MEI4: variants seen among roughly 807,000 people sequenced by gnomAD.
The protein encoded by MEI4 is meiotic double-stranded break formation protein 4.
In MEI4, 27 loss-of-function variants were observed where a neutral mutation model predicts 31.4. That is an observed-to-expected ratio of 0.86 (90% CI 0.63 to 1.19). The LOEUF is 1.19. MEI4 is among the 50% of genes most tolerant of loss of function. The probability of loss-of-function intolerance (pLI) is 0.00; values close to 1 mark genes in which losing one functional copy is unlikely to be tolerated. For synonymous variants in MEI4, 122 were observed against 145.4 expected, an observed-to-expected ratio of 0.84 and a Z score of 1.16; for missense variants, 329 against 398.9, an observed-to-expected ratio of 0.82 and a Z score of 1.49.
chr6:77,830,287 A>G (rs1770046444), intron 4 of MEI4, among the ~76,000 whole-genome samples: 1 of 152,086 alleles, frequency 6.6e-6, no homozygotes, highest in African/African-American at 2.4e-5. Flanking sequence ...TTAGAGTTTA[A>G]CAATAGGAAG....
chr6:77,706,040 G>T (rs1476710111), intron 2 of MEI4, among the ~76,000 whole-genome samples: 2 of 152,108 alleles, frequency 1.3e-5, no homozygotes, highest in African/African-American at 4.8e-5. Flanking sequence ...CAGAAGCAAA[G>T]TCCCTTTCTG....
At chr6:77,716,666 G>GT (rs1401702107) in intron 2 of MEI4, 1 of 156,054 alleles carries the variant, frequency 6.4e-6, no homozygotes, top group African/African-American at 2.4e-5. Context: ...TTGGCAAAAG[G>GT]TAAGTAGAAA....
chr6:77,924,884 A>G lies in MEI4; in HGVS notation c.*1538A>G, dbSNP rs2127744589. 1 of 151,924 alleles carries G rather than the reference A, an allele frequency of 6.6e-6. No homozygotes were observed. Among genetic ancestry groups the G allele is most frequent in the East Asian group, 1.9e-4 (1 of 5,168 alleles). The allele number at this position is 151,924 out of a possible 1,614,324, so 9.4% of individuals were successfully genotyped here. On this transcript the variant is annotated 3_prime_UTR_variant, in exon 5 of 5. Coordinates refer to ENST00000684080, the MANE Select transcript of MEI4 (RefSeq NM_001322247.2). ...GTTACAGGGCAATGAGCATGGATGT[A>G]GGTAGGTAATTATTAGGGCCAATAA...
intron 2 of MEI4, among the ~76,000 whole-genome samples, chr6:77,731,547 G>A (rs1232640321): frequency 6.6e-6 from 1 of 151,584 alleles, no homozygotes; most frequent in African/African-American, 2.4e-5. Context: ...CAGATGAGTA[G>A]GTTGTGAAAA....
intron 4 of MEI4, among the ~76,000 whole-genome samples, chr6:77,875,013 T>C (rs1215866067): frequency 6.6e-6 from 1 of 152,196 alleles, no homozygotes; most frequent in Non-Finnish European, 1.5e-5. Flanking sequence ...GAAGGAACCC[T>C]TAGCTTTTTT....
At chr6:77,806,041 G>A (rs1769427563) in intron 3 of MEI4, among the ~76,000 whole-genome samples, 1 of 152,084 alleles carries the variant, frequency 6.6e-6, no homozygotes, top group African/African-American at 2.4e-5. Flanking sequence ...CGTCTGGCTT[G>A]TTTCATATTG....
intron 3 of MEI4, among the ~76,000 whole-genome samples, chr6:77,802,272 A>G (rs1429204447): frequency 1.3e-5 from 2 of 152,238 alleles, no homozygotes; most frequent in South Asian, 2.1e-4. Flanking sequence ...AGTCTGTTTT[A>G]TCAGAGACTA....
intron 4 of MEI4, among the ~76,000 whole-genome samples, chr6:77,897,508 T>A (rs974340445): frequency 1.5e-4 from 7 of 46,602 alleles, no homozygotes; most frequent in African/African-American, 4.0e-4. Context: ...GACAATTTTT[T>A]AAAATTGTTA....
At chr6:77,764,534 A>C (rs1020707313) in intron 3 of MEI4, among the ~76,000 whole-genome samples, 1 of 152,174 alleles carries the variant, frequency 6.6e-6, no homozygotes, top group African/African-American at 2.4e-5. Context: ...CTCAATTACA[A>C]TAATGGATGG....
intron 4 of MEI4, among the ~76,000 whole-genome samples, chr6:77,841,333 A>ATATATATATATATATTTTTTTTTTT: frequency 1.4e-4 from 4 of 27,734 alleles, no homozygotes; most frequent in African/African-American, 1.3e-3. Context: ...ATATATATAT[A>ATATATATATATATATTTTTTTTTTT]TTTTTTTTTT....
intron 3 of MEI4, among the ~76,000 whole-genome samples, chr6:77,812,959 C>T (rs1364761708): frequency 6.6e-6 from 1 of 151,832 alleles, no homozygotes; most frequent in Non-Finnish European, 1.5e-5. Context: ...GTGAGTCTTG[C>T]CAAGCAGGGA....
chr6:77,730,736 C>T (rs1027133499), intron 2 of MEI4, among the ~76,000 whole-genome samples: 2 of 151,796 alleles, frequency 1.3e-5, no homozygotes, highest in Non-Finnish European at 2.9e-5. Context: ...ACTAACTCGT[C>T]ATCTAGCATT....
chr6:77,826,031 A>G (rs549832781), intron 3 of MEI4, among the ~76,000 whole-genome samples: 53 of 152,272 alleles, frequency 3.5e-4, no homozygotes, highest in African/African-American at 5.3e-4. Context: ...CAGTACCTCA[A>G]CCTTATAAGA....
chr6:77,710,531 A>AG (rs1766437651), intron 2 of MEI4, among the ~76,000 whole-genome samples: 1 of 148,338 alleles, frequency 6.7e-6, no homozygotes, highest in Non-Finnish European at 1.5e-5. Context: ...AAAAAAAAAA[A>AG]AAAAAAAAAA....
intron 3 of MEI4, among the ~76,000 whole-genome samples, chr6:77,791,102 A>T (rs1768915023): frequency 6.6e-6 from 1 of 152,098 alleles, no homozygotes; most frequent in Non-Finnish European, 1.5e-5. Flanking sequence ...AACTAGTTCA[A>T]CCATTGTGGA....
Position 77,685,562 on chromosome 6 carries a change from A to G in MEI4, c.-14-5096A>G, listed in dbSNP as rs181490106. Among the ~76,000 whole-genome samples, 68 of 152,100 alleles carry G rather than the reference A, an allele frequency of 4.5e-4. 1 individual carries two copies. The East Asian group carries it at 0.01, about 23-fold the overall frequency. ...AAGCATTTAAGTTTGATGCAATCCC[A>G]TTTGTCTATTTTTACTTTTGTTGCC... is the stretch of plus-strand genomic sequence containing the variant. On this transcript the variant is annotated intron_variant, in intron 1 of 4. Coordinates refer to ENST00000684080, the MANE Select transcript of MEI4 (RefSeq NM_001322247.2).
intron 2 of MEI4, among the ~76,000 whole-genome samples, chr6:77,735,234 A>C (rs1767152537): frequency 6.6e-6 from 1 of 152,008 alleles, no homozygotes; most frequent in African/African-American, 2.4e-5. Flanking sequence ...AGTGTTTTCC[A>C]ACTTGGCTCC....
chr6:77,731,069 C>A lies in MEI4; in HGVS notation c.233-30061C>A, dbSNP rs545284339. Among the ~76,000 whole-genome samples, 185 of 152,028 alleles carry A rather than the reference C, an allele frequency of 1.2e-3. 4 individuals carry two copies. Among genetic ancestry groups the A allele is most frequent in the African/African-American group, 4.3e-3 (177 of 41,330 alleles). ...TGGTTCCAAGCCTTTGCTAGTGTGA[C>A]TAGTGCCTCAATAAACATATGTGTG... On this transcript the variant is annotated intron_variant, in intron 2 of 4. Transcript: ENST00000684080.
At chr6:77,852,532 C>G (rs1274331522) in intron 4 of MEI4, among the ~76,000 whole-genome samples, 1 of 150,804 alleles carries the variant, frequency 6.6e-6, no homozygotes, top group Non-Finnish European at 1.5e-5. Context: ...AAGTAACCAA[C>G]TTTTATTTTT....
Sources: gnomAD v4.1 joint callset for allele counts (sites outside exome capture counted in the v4.1 genomes callset) on GRCh38, gnomAD v4.1.1 for gene constraint, MANE v1.5 for transcripts, NCBI Gene and HGNC (gene_info 2026-07-23, HGNC 2026-07-21) for gene names.